NFIB: variants seen among roughly 807,000 people sequenced by gnomAD.
The protein encoded by NFIB is nuclear factor 1 B-type.
A neutral mutation model predicts 61.5 loss-of-function variants in NFIB; 11 were observed. The observed-to-expected ratio is 0.18, with a 90% CI of 0.11 to 0.30. The LOEUF is 0.30. NFIB is among the 10% of genes least tolerant of loss of function. The pLI, the probability that NFIB is intolerant of heterozygous loss-of-function variation, is 1.00. For synonymous variants in NFIB, 260 were observed against 216.5 expected, an observed-to-expected ratio of 1.20 and a Z score of -1.76; for missense variants, 471 against 608.9, an observed-to-expected ratio of 0.77 and a Z score of 2.38.
chr9:14,159,173 C>CA (rs1162681204), intron 3 of NFIB, among the ~76,000 whole-genome samples: 1 of 152,094 alleles, frequency 6.6e-6, no homozygotes, highest in African/African-American at 2.4e-5. Context: ...CAGTCAAACA[C>CA]AGACAATACA....
the NFIB span, among the ~76,000 whole-genome samples, chr9:14,531,241 A>G: frequency 6.6e-6 from 1 of 152,214 alleles, no homozygotes; most frequent in African/African-American, 2.4e-5. Flanking sequence ...CTGAATTTCT[A>G]TGCTCCTTTC....
At chr9:14,466,152 C>G in the NFIB span, among the ~76,000 whole-genome samples, 1 of 152,114 alleles carries the variant, frequency 6.6e-6, no homozygotes, top group African/African-American at 2.4e-5. Flanking sequence ...TCTCAGCCAG[C>G]CTTTATGAAG....
the NFIB span, among the ~76,000 whole-genome samples, chr9:14,491,279 T>C: frequency 8.5e-5 from 13 of 152,134 alleles, no homozygotes; most frequent in African/African-American, 2.9e-4. Flanking sequence ...AGAGTGCACA[T>C]AGGCTTTTGA....
At chr9:14,461,901 G>T in the NFIB span, among the ~76,000 whole-genome samples, 5 of 152,158 alleles carry the variant, frequency 3.3e-5, no homozygotes, top group African/African-American at 1.2e-4. Flanking sequence ...GAGCAACCAG[G>T]GAATAGCAAA....
the NFIB span, among the ~76,000 whole-genome samples, chr9:14,479,247 A>C: frequency 1.3e-5 from 2 of 152,204 alleles, no homozygotes; most frequent in East Asian, 3.8e-4. Context: ...GGGGGATTGC[A>C]GGGGGCTCTG....
At chr9:14,154,586 C>T (rs2043185643) in intron 4 of NFIB, among the ~76,000 whole-genome samples, 1 of 152,200 alleles carries the variant, frequency 6.6e-6, no homozygotes, top group Admixed American at 6.5e-5. Context: ...CGAATACACA[C>T]CCTGGGGCTA....
chr9:14,314,728 C>CTTCTCT (rs2060458989), upstream of NFIB: 1 of 138,166 alleles, frequency 7.2e-6, no homozygotes, highest in African/African-American at 2.7e-5. Context: ...CCTCCTTCTC[C>CTTCTCT]TTCTCTCCCC....
chr9:14,273,536 C>A (rs192495556), intron 2 of NFIB, among the ~76,000 whole-genome samples: 1 of 152,248 alleles, frequency 6.6e-6, no homozygotes, highest in East Asian at 1.9e-4. Context: ...TGACACACAG[C>A]TCAGAGACAA....
At chr9:14,499,014 G>A in the NFIB span, among the ~76,000 whole-genome samples, 39 of 151,618 alleles carry the variant, frequency 2.6e-4, no homozygotes, top group Non-Finnish European at 7.4e-5. Context: ...GTGTGTGTAC[G>A]TGCACATGTG....
chr9:14,527,441 C>T, the NFIB span, among the ~76,000 whole-genome samples: 2 of 152,112 alleles, frequency 1.3e-5, no homozygotes, highest in South Asian at 4.1e-4. Flanking sequence ...AAAAGATGTA[C>T]TAATTACCAT....
chr9:14,129,288 G>A (rs2040093440), intron 6 of NFIB, among the ~76,000 whole-genome samples: 2 of 149,836 alleles, frequency 1.3e-5, no homozygotes, highest in Admixed American at 6.7e-5. Context: ...CTCATTAAAT[G>A]AAATTAATTC....
At chr9:14,341,717 CCCA>C (rs1249633477) in intron 1 of NFIB, among the ~76,000 whole-genome samples, 1 of 152,166 alleles carries the variant, frequency 6.6e-6, no homozygotes, top group Non-Finnish European at 1.5e-5. Context: ...TGTTCACTCT[CCCA>C]CCAATTGAAG....
chr9:14,288,952 T>C (rs1190442032), intron 2 of NFIB, among the ~76,000 whole-genome samples: 1 of 151,798 alleles, frequency 6.6e-6, no homozygotes, highest in Non-Finnish European at 1.5e-5. Flanking sequence ...AATCCACAAA[T>C]GCCTACTTCT....
At chr9:14,135,869 T>G (rs1036352101) in intron 6 of NFIB, among the ~76,000 whole-genome samples, 3 of 152,200 alleles carry the variant, frequency 2.0e-5, no homozygotes, top group Non-Finnish European at 4.4e-5. Flanking sequence ...CTTTAATTAC[T>G]GAGTTATTTA....
At chr9:14,111,992 G>T (rs1374195135) in intron 10 of NFIB, among the ~76,000 whole-genome samples, 1 of 152,192 alleles carries the variant, frequency 6.6e-6, no homozygotes, top group Non-Finnish European at 1.5e-5. Context: ...GGTATGTGAG[G>T]TGAACAGATC....
At chr9:14,441,940 T>C in the NFIB span, among the ~76,000 whole-genome samples, 1 of 152,236 alleles carries the variant, frequency 6.6e-6, no homozygotes, top group African/African-American at 2.4e-5. Context: ...TTCCCATGAA[T>C]GATTGTTTTA....
At chr9:14,462,611 G>C in the NFIB span, among the ~76,000 whole-genome samples, 30 of 152,112 alleles carry the variant, frequency 2.0e-4, no homozygotes, top group Non-Finnish European at 4.0e-4. Context: ...TCCATCACTG[G>C]AGTCTTCCAG....
At chr9:14,274,182 TTCC>T (rs1254075773) in intron 2 of NFIB, among the ~76,000 whole-genome samples, 2 of 151,580 alleles carry the variant, frequency 1.3e-5, no homozygotes, top group Non-Finnish European at 2.9e-5. Flanking sequence ...CTGGTAGTTC[TTCC>T]TCCTAAGTGA....
chr9:14,399,670 T>A (rs2061723156), upstream of NFIB, among the ~76,000 whole-genome samples: 1 of 152,206 alleles, frequency 6.6e-6, no homozygotes. Flanking sequence ...GAAGTCATGT[T>A]CAAGTGAAAA....
Sources: gnomAD v4.1 joint callset for allele counts (sites outside exome capture counted in the v4.1 genomes callset) on GRCh38, gnomAD v4.1.1 for gene constraint, MANE v1.5 for transcripts, NCBI Gene and HGNC (gene_info 2026-07-23, HGNC 2026-07-21) for gene names.